BAZ1B: variants seen among roughly 807,000 people sequenced by gnomAD.
The protein encoded by BAZ1B is bromodomain adjacent to zinc finger domain 1B.
In BAZ1B, 22 loss-of-function variants were observed where a neutral mutation model predicts 153.8. The ratio of observed to expected loss-of-function variants is 0.14; its 90% CI spans 0.10 to 0.20. The LOEUF is 0.20. Among genes scored for constraint, BAZ1B ranks in the 10% least tolerant of loss-of-function variants. The probability of loss-of-function intolerance (pLI) is 1.00; values close to 1 mark genes in which losing one functional copy is unlikely to be tolerated. For missense variants in BAZ1B, 1,325 were observed against 1,799.3 expected (o/e 0.74, Z 4.77); for synonymous variants, 676 against 633.4 (o/e 1.07, Z -1.01).
intron 2 of BAZ1B, among the ~76,000 whole-genome samples, chr7:73,509,476 T>C (rs782727541): frequency 4.0e-5 from 6 of 151,766 alleles, no homozygotes; most frequent in Non-Finnish European, 7.4e-5. Flanking sequence ...TCCCAGCACT[T>C]TGAAAGGCAC....
At position 73,471,588 on chromosome 7, in the gene BAZ1B, G is replaced by A. The variant is rs552488502; in HGVS notation, c.2594-1105C>T. On this transcript the variant is annotated intron_variant, in intron 7 of 19. Coordinates refer to ENST00000339594, the MANE Select transcript of BAZ1B (RefSeq NM_032408.4). ...TGGTCTCAAACTTCTGGGCTCAAGC[G>A]ATCCTCCTGCCTCGGCCTCTCAAAA... is the stretch of plus-strand genomic sequence containing the variant. Among the ~76,000 whole-genome samples, 103 of 152,162 alleles carry A rather than the reference G, an allele frequency of 6.8e-4. 1 individual carries two copies. The highest frequency in any genetic ancestry group is 2.3e-3 in the African/African-American group (96 of 41,520).
rs1389703131 is a variant in BAZ1B, at chr7:73,508,594, C to T, written c.225-123G>A. On this transcript the variant is annotated intron_variant, in intron 2 of 19. Transcript: ENST00000339594. ...ATTTCAAACATTTATCGCTCTGTCACCAAGGCTGGAGTGCAGTGGCACAAT... is the reference window on the plus strand; with the variant it reads ...ATTTCAAACATTTATCGCTCTGTCATCAAGGCTGGAGTGCAGTGGCACAAT... 9 of 1,196,632 alleles carry T rather than the reference C, an allele frequency of 7.5e-6. No individual in the cohort carries two copies. In the East Asian group the frequency reaches 2.1e-4, roughly 27 times the overall value. The allele number at this position is 1,196,632 out of a possible 1,614,324, so 74.1% of individuals were successfully genotyped here.
chr7:73,449,751 G>T (rs1023145969), intron 14 of BAZ1B, 62 bp from the exon 15 acceptor site: 1 of 1,556,052 alleles, frequency 6.4e-7, no homozygotes, highest in Non-Finnish European at 8.8e-7. Context: ...TGAGCTGTAA[G>T]GAAGAGGCAA....
At chr7:73,441,807 C>A (rs1787627950) in intron 19 of BAZ1B, 114 bp from the exon 20 acceptor site, 1 of 239,420 alleles carries the variant, frequency 4.2e-6, no homozygotes, top group Admixed American at 5.0e-5. Context: ...GCCTGATTAC[C>A]CCGATCCTGC....
At chr7:73,504,446 G>A (rs782640078) in intron 3 of BAZ1B, among the ~76,000 whole-genome samples, 3 of 152,122 alleles carry the variant, frequency 2.0e-5, no homozygotes, top group African/African-American at 4.8e-5. Flanking sequence ...GGTGGATCAC[G>A]AGGTCAGGAG....
intron 2 of BAZ1B, 41 bp downstream of exon 2, chr7:73,510,695 A>C: frequency 6.4e-7 from 1 of 1,552,688 alleles, no homozygotes; most frequent in Non-Finnish European, 8.9e-7. Context: ...TTTCCTAACA[A>C]TGTGAAGATG....
At chr7:73,508,706 T>C (rs1010252294) in intron 2 of BAZ1B, among the ~76,000 whole-genome samples, 2 of 152,074 alleles carry the variant, frequency 1.3e-5, no homozygotes, top group Non-Finnish European at 2.9e-5. Flanking sequence ...CCACTGCACC[T>C]AACCTCTTTT....
At chr7:73,506,694 A>G (rs1310500957) in intron 3 of BAZ1B, among the ~76,000 whole-genome samples, 1 of 140,186 alleles carries the variant, frequency 7.1e-6, no homozygotes, top group Non-Finnish European at 1.6e-5. Flanking sequence ...TCTACCAAAA[A>G]TAAAAAATTA....
In BAZ1B at chr7:73,442,557, T is replaced by A; in HGVS notation, c.4095-4A>T. Reference sequence around the variant, plus strand: ...CTCATCTCTGGTCACAGGCTCCCTGTGGAGAAGAACCAAATGGAGAATCTG... The same window carrying A: ...CTCATCTCTGGTCACAGGCTCCCTGAGGAGAAGAACCAAATGGAGAATCTG... On this transcript the variant is annotated splice_polypyrimidine_tract_variant and splice_region_variant and intron_variant, in intron 18 of 19. Transcript: ENST00000339594. 1 of 1,604,416 alleles carries A rather than the reference T, an allele frequency of 6.2e-7. No individual in the cohort carries two copies. The highest frequency in any genetic ancestry group is 1.1e-5 in the South Asian group (1 of 90,194).
rs782085818 is a variant in BAZ1B, at chr7:73,449,705, T to C, written c.3581-16A>G. ...TCATCCTCACCTGCAGAGAGATAAA[T>C]GTGAATAGCATTGTTGGGAGCACAG... is the stretch of plus-strand genomic sequence containing the variant. On this transcript the variant is annotated splice_polypyrimidine_tract_variant and intron_variant, in intron 14 of 19. Transcript: ENST00000339594. The C allele has an allele frequency of 1.9e-6, 3 of 1,613,030 alleles. No individual in the cohort carries two copies. The highest frequency in any genetic ancestry group is 3.3e-5 in the Admixed American group (2 of 59,820).
intron 3 of BAZ1B, among the ~76,000 whole-genome samples, chr7:73,506,683 C>T (rs527947866): frequency 3.1e-4 from 46 of 147,044 alleles, no homozygotes; most frequent in Non-Finnish European, 5.5e-4. Context: ...GAGAACCCGT[C>T]TCTACCAAAA....
chr7:73,464,457 G>C (rs1373970457), intron 11 of BAZ1B, among the ~76,000 whole-genome samples: 7 of 152,080 alleles, frequency 4.6e-5, no homozygotes, highest in African/African-American at 1.7e-4. Flanking sequence ...CCCCAAGCAG[G>C]AATCTCTTAC....
At chr7:73,444,496 A>G (rs548909275) in intron 16 of BAZ1B, among the ~76,000 whole-genome samples, 1 of 152,318 alleles carries the variant, frequency 6.6e-6, no homozygotes, top group East Asian at 1.9e-4. Context: ...TGGATTTCCC[A>G]CAGCCCAAGC....
Position 73,498,574 on chromosome 7 carries a change from T to C in BAZ1B, c.494A>G (p.Asn165Ser). 1.2e-6 allele frequency: 2 copies of C among 1,614,056 alleles called. No individual in the cohort carries two copies. Among genetic ancestry groups the C allele is most frequent in the Non-Finnish European group, 1.7e-6 (2 of 1,179,992 alleles). ...ACDSPSSDKE[N>S]SSQIAQDHQK... is the part of the protein sequence containing the mutation. Reference sequence around the variant, plus strand: ...ATGGTCCTGAGCAATCTGACTGGAGTTCTCTTTGTCACTTGATGGAGAATC... The same window carrying C: ...ATGGTCCTGAGCAATCTGACTGGAGCTCTCTTTGTCACTTGATGGAGAATC... The change falls in exon 4 of 20, where the codon AAC becomes AGC. Residue 165 changes from asparagine to serine, a missense_variant. Physicochemically the swap from Asn to Ser is conservative, Grantham distance 46. Around this residue, in one of 9 missense-constraint regions of BAZ1B, gnomAD observed 153 missense variants for 204.8 expected, o/e 0.75. Coordinates refer to ENST00000339594, the MANE Select transcript of BAZ1B (RefSeq NM_032408.4).
intron 1 of BAZ1B, among the ~76,000 whole-genome samples, chr7:73,512,808 A>G (rs553472272): frequency 3.3e-5 from 5 of 152,186 alleles, no homozygotes; most frequent in Non-Finnish European, 7.3e-5. Context: ...CTACAATACT[A>G]TCTAACAAAT....
At chr7:73,442,659 G>A in intron 18 of BAZ1B, 66 bp downstream of exon 18, 1 of 1,563,368 alleles carries the variant, frequency 6.4e-7, no homozygotes. Context: ...CCCCTCAGGG[G>A]CTCTGGAAGC....
chr7:73,477,303 C>T lies in BAZ1B; in HGVS notation c.2158G>A (p.Glu720Lys). The change falls in exon 7 of 20, where the codon GAG becomes AAG. Residue 720 changes from glutamate (E) to lysine (K), a missense_variant. By Grantham distance (56) the Glu-to-Lys change is moderately conservative. Coordinates refer to ENST00000339594, the MANE Select transcript of BAZ1B (RefSeq NM_032408.4). This position sits in a 1 kb window ranked among gnomAD's most constrained non-coding sequence, Gnocchi z 5.6. ...AACTCATCTTGTACCTCATTATCCT[C>T]AAATGCAGCTGAATCTTTATTGTCA... ...TDDNKDSAAF[E>K]DNEVQDEFLE... 6.2e-7 allele frequency: 1 copy of T among 1,614,244 alleles called. No individual in the cohort carries two copies. The highest frequency in any genetic ancestry group is 8.5e-7 in the Non-Finnish European group (1 of 1,180,052).
intron 6 of BAZ1B, among the ~76,000 whole-genome samples, chr7:73,480,124 C>T (rs1554573488): frequency 6.6e-6 from 1 of 150,792 alleles, no homozygotes; most frequent in African/African-American, 2.5e-5. Context: ...CGCCACTGCA[C>T]TCCAGCTTGG....
intron 12 of BAZ1B, among the ~76,000 whole-genome samples, chr7:73,462,036 G>A (rs1554570457): frequency 6.6e-6 from 1 of 152,156 alleles, no homozygotes; most frequent in Non-Finnish European, 1.5e-5. Flanking sequence ...CAAAGTGCTG[G>A]GATTATAGGC....
Sources: allele counts gnomAD v4.1 joint callset (sites outside exome capture counted in the v4.1 genomes callset), GRCh38; gene constraint gnomAD v4.1.1; regional missense constraint gnomAD v4.1.1; non-coding constraint Gnocchi (gnomAD v3.1); transcripts MANE v1.5; gene names NCBI Gene and HGNC (gene_info 2026-07-23, HGNC 2026-07-21).